The following GMDS variants were observed in gnomAD, a reference collection of about 807,000 sequenced individuals.
GMDS encodes GDP-mannose 4,6 dehydratase.
In GMDS, 20 loss-of-function variants were observed where a neutral mutation model predicts 49.9. The observed-to-expected ratio is 0.40, with a 90% CI of 0.28 to 0.58. The LOEUF is 0.58. Ranked by LOEUF, GMDS falls within the 20% of genes least tolerant of loss-of-function variation. The probability of loss-of-function intolerance (pLI) is 0.42; values close to 1 mark genes in which losing one functional copy is unlikely to be tolerated. For synonymous variants in GMDS, 177 were observed against 178.6 expected, an observed-to-expected ratio of 0.99 and a Z score of 0.07; for missense variants, 362 against 481.4, an observed-to-expected ratio of 0.75 and a Z score of 2.32.
In GMDS at chr6:2,191,019, C is replaced by T. The variant is rs927056261; in HGVS notation, c.102+54302G>A. ...CTGCGGGGAGGGCACCAGGAGGAGG[C>T]AGCACTGGGGGACCCAGGGCGGGAG... On this transcript the variant is annotated intron_variant, in intron 1 of 10. Coordinates refer to ENST00000380815, the MANE Select transcript of GMDS (RefSeq NM_001500.4). This position sits in a 1 kb window ranked among gnomAD's most constrained non-coding sequence, Gnocchi z 4.6. 7.2e-5 allele frequency among the ~76,000 whole-genome samples: 11 copies of T among 152,122 alleles called. No homozygotes were observed. The highest frequency in any genetic ancestry group is 2.0e-4 in the Admixed American group (3 of 15,286).
chr6:1,805,148 A>C (rs1561815511), intron 7 of GMDS, among the ~76,000 whole-genome samples: 1 of 152,180 alleles, frequency 6.6e-6, no homozygotes. Flanking sequence ...GATTTCTATA[A>C]GGTAAATTAT....
chr6:1,975,388 G>A (rs899670562), intron 4 of GMDS, among the ~76,000 whole-genome samples: 1 of 152,176 alleles, frequency 6.6e-6, no homozygotes, highest in African/African-American at 2.4e-5. Context: ...GGGACTGGGA[G>A]AATGTTCCAG....
intron 7 of GMDS, among the ~76,000 whole-genome samples, chr6:1,918,987 G>A (rs974358675): frequency 6.6e-6 from 1 of 152,192 alleles, no homozygotes; most frequent in Non-Finnish European, 1.5e-5. Context: ...GCAATGTCTT[G>A]TGCTAGCTAA....
At chr6:1,939,546 CAT>C (rs1762712389) in intron 6 of GMDS, among the ~76,000 whole-genome samples, 1 of 140,160 alleles carries the variant, frequency 7.1e-6, no homozygotes, top group African/African-American at 2.5e-5. Flanking sequence ...CACATATATA[CAT>C]ATATATACAT....
At chr6:2,122,649 C>T (rs1562075766) in intron 2 of GMDS, among the ~76,000 whole-genome samples, 1 of 152,198 alleles carries the variant, frequency 6.6e-6, no homozygotes, top group Non-Finnish European at 1.5e-5. Flanking sequence ...ATGGTTTATT[C>T]TCGAATTATA....
chr6:1,807,454 T>C (rs920570904), intron 7 of GMDS, among the ~76,000 whole-genome samples: 1 of 152,226 alleles, frequency 6.6e-6, no homozygotes, highest in Non-Finnish European at 1.5e-5. Flanking sequence ...TACAATCCTG[T>C]CCCTGTTTCA....
Position 2,079,019 on chromosome 6 carries a change from C to CTTTTTTTTTTTTTTTTTTT in GMDS, c.345+36733_345+36751dup, listed in dbSNP as rs386405902. ...CTTTGTCATTGCATAATGACCTTGTCTTTTTTTTTTTTTTTTTTTTTTTTT... is the reference window on the plus strand; with the variant it reads ...CTTTGTCATTGCATAATGACCTTGTCTTTTTTTTTTTTTTTTTTTTTTTTTTTTTTTTTTTTTTTTTTTT... On this transcript the variant is annotated intron_variant, in intron 4 of 10. Transcript: ENST00000380815. Among the ~76,000 whole-genome samples the CTTTTTTTTTTTTTTTTTTT allele has an allele frequency of 9.7e-4, 33 of 33,986 alleles. 7 individuals are homozygous for CTTTTTTTTTTTTTTTTTTT. Among genetic ancestry groups the CTTTTTTTTTTTTTTTTTTT allele is most frequent in the Non-Finnish European group, 2.0e-3 (28 of 14,198 alleles). The allele number at this position is 33,986 out of a possible 152,430, so 22.3% of individuals were successfully genotyped here. A position where few individuals can be genotyped will look rare whatever the true frequency, so the allele number is the denominator to read the frequency against.
intron 4 of GMDS, among the ~76,000 whole-genome samples, chr6:2,056,611 A>G (rs928845506): frequency 6.6e-6 from 1 of 152,194 alleles, no homozygotes; most frequent in Non-Finnish European, 1.5e-5. Context: ...GTGCTTAAAA[A>G]AACCGCAGAT....
intron 1 of GMDS, among the ~76,000 whole-genome samples, chr6:2,126,641 T>C (rs1444368880): frequency 1.3e-5 from 2 of 152,082 alleles, no homozygotes; most frequent in Admixed American, 1.3e-4. Flanking sequence ...TTTCTTCTTC[T>C]TCTTCTTTTT....
intron 4 of GMDS, among the ~76,000 whole-genome samples, chr6:2,063,472 C>T (rs553280444): frequency 4.6e-5 from 7 of 152,118 alleles, no homozygotes; most frequent in Non-Finnish European, 8.8e-5. Flanking sequence ...GGCTGTATTC[C>T]TCATAATGGG....
At chr6:1,923,603 C>G (rs1458294127) in intron 7 of GMDS, among the ~76,000 whole-genome samples, 1 of 152,212 alleles carries the variant, frequency 6.6e-6, no homozygotes, top group Non-Finnish European at 1.5e-5. Flanking sequence ...TGCCAGCGCA[C>G]AGAGCAGCAG....
chr6:1,931,831 A>G (rs937918774), intron 6 of GMDS, among the ~76,000 whole-genome samples: 9 of 152,196 alleles, frequency 5.9e-5, no homozygotes, highest in African/African-American at 2.2e-4. Flanking sequence ...GAAGTATTTG[A>G]CCCTATTCAT....
intron 7 of GMDS, among the ~76,000 whole-genome samples, chr6:1,871,689 T>C (rs1758764256): frequency 6.6e-6 from 1 of 152,246 alleles, no homozygotes; most frequent in African/African-American, 2.4e-5. Context: ...CAAAATTCTG[T>C]CCTAAGCTGC....
intron 4 of GMDS, among the ~76,000 whole-genome samples, chr6:2,089,012 T>C (rs565720060): frequency 6.6e-6 from 1 of 152,200 alleles, no homozygotes; most frequent in African/African-American, 2.4e-5. Flanking sequence ...GGGCAGCTAT[T>C]ATGTGTAAAT....
At position 1,652,711 on chromosome 6, in the gene GMDS, T is replaced by TAGAG. The variant is rs534621013; in HGVS notation, c.988-28172_988-28171insCTCT. On this transcript the variant is annotated intron_variant, in intron 9 of 10. Coordinates refer to ENST00000380815, the MANE Select transcript of GMDS (RefSeq NM_001500.4). ...ATATATAATATATTATATATATATA[T>TAGAG]ATATATATAGAGAGAGAGAGAGAGA... Among the ~76,000 whole-genome samples, 2 of 29,830 alleles carry TAGAG rather than the reference T, an allele frequency of 6.7e-5. 1 individual carries two copies. Among genetic ancestry groups the TAGAG allele is most frequent in the African/African-American group, 2.5e-4 (2 of 8,152 alleles). 19.6% of individuals were successfully genotyped at this position (29,830 alleles called of 152,430 possible). A position where few individuals can be genotyped will look rare whatever the true frequency, so the allele number is the denominator to read the frequency against.
intron 9 of GMDS, among the ~76,000 whole-genome samples, chr6:1,698,160 A>T (rs1447180341): frequency 6.6e-6 from 1 of 152,206 alleles, no homozygotes; most frequent in Non-Finnish European, 1.5e-5. Flanking sequence ...TCCAGTAATA[A>T]CAGCCTCCTG....
chr6:1,711,270 G>A (rs1160639656), intron 9 of GMDS, among the ~76,000 whole-genome samples: 1 of 152,210 alleles, frequency 6.6e-6, no homozygotes, highest in Non-Finnish European at 1.5e-5. Flanking sequence ...GCTGCCTCAG[G>A]ATCCCTGCAG....
At chr6:1,734,496 G>T (rs1231182409) in intron 8 of GMDS, among the ~76,000 whole-genome samples, 2 of 152,232 alleles carry the variant, frequency 1.3e-5, no homozygotes, top group Non-Finnish European at 2.9e-5. Flanking sequence ...TGGCACGTGG[G>T]GAAGGGGTGC....
At chr6:1,921,502 T>C (rs1311761980) in intron 7 of GMDS, among the ~76,000 whole-genome samples, 1 of 152,156 alleles carries the variant, frequency 6.6e-6, no homozygotes, top group Admixed American at 6.5e-5. Context: ...TTAACTTATT[T>C]TAAATAATAC....
Sources: allele counts gnomAD v4.1 joint callset (sites outside exome capture counted in the v4.1 genomes callset), GRCh38; gene constraint gnomAD v4.1.1; non-coding constraint Gnocchi (gnomAD v3.1); transcripts MANE v1.5; gene names NCBI Gene and HGNC (gene_info 2026-07-23, HGNC 2026-07-21).